ELAPOR1: variants seen among roughly 807,000 people sequenced by gnomAD.
ELAPOR1 encodes endosome/lysosome-associated apoptosis and autophagy regulator 1.
A neutral mutation model predicts 119.7 loss-of-function variants in ELAPOR1; 77 were observed. The ratio of observed to expected loss-of-function variants is 0.64; its 90% CI spans 0.54 to 0.78. ELAPOR1 has a LOEUF of 0.78. ELAPOR1 is among the 30% of genes least tolerant of loss of function. The pLI, the probability that ELAPOR1 is intolerant of heterozygous loss-of-function variation, is 0.00. For missense variants in ELAPOR1, 1,115 were observed against 1,270.4 expected (o/e 0.88, Z 1.86); for synonymous variants, 481 against 487.2 (o/e 0.99, Z 0.17).
At chr1:109,168,305 GA>G (rs1212967211) in intron 3 of ELAPOR1, among the ~76,000 whole-genome samples, 1 of 152,194 alleles carries the variant, frequency 6.6e-6, no homozygotes, top group Non-Finnish European at 1.5e-5. Flanking sequence ...ATTGCTATGT[GA>G]TTGTGTGATT....
chr1:109,200,825 C>G lies in ELAPOR1; in HGVS notation c.2898C>G (p.Gly966=). 1 of 1,614,140 alleles carries G rather than the reference C, an allele frequency of 6.2e-7. No homozygotes were observed. Among genetic ancestry groups the G allele is most frequent in the Non-Finnish European group, 8.5e-7 (1 of 1,180,018 alleles). Reference sequence around the variant, plus strand: ...CTGACAGCTGCGCCATCATGGAAGGCGAGGATGTAGAGGACGACCTCATCT... The same window carrying G: ...CTGACAGCTGCGCCATCATGGAAGGGGAGGATGTAGAGGACGACCTCATCT... ...PAADSCAIME[G]EDVEDDLIFT... Residue 966 remains glycine, a synonymous_variant, in exon 21 of 22, where the codon GGC becomes GGG. Coordinates refer to ENST00000369939, the MANE Select transcript of ELAPOR1 (RefSeq NM_020775.5).
chr1:109,147,780 A>ATTATT (rs1357119052), intron 1 of ELAPOR1, among the ~76,000 whole-genome samples: 2 of 151,474 alleles, frequency 1.3e-5, no homozygotes, highest in African/African-American at 4.8e-5. Context: ...AAAAAAGTCT[A>ATTATT]TTATTTTATT....
At chr1:109,121,458 A>G (rs1570597847) in intron 1 of ELAPOR1, among the ~76,000 whole-genome samples, 1 of 152,184 alleles carries the variant, frequency 6.6e-6, no homozygotes, top group African/African-American at 2.4e-5. Context: ...TTAAGAAAGT[A>G]TCATTGTTAT....
intron 1 of ELAPOR1, among the ~76,000 whole-genome samples, chr1:109,154,234 T>C (rs763588595): frequency 4.7e-4 from 67 of 143,632 alleles, no homozygotes; most frequent in Non-Finnish European, 5.8e-4. Context: ...TGAGCCAAGA[T>C]TGCACCACTG....
chr1:109,158,358 C>T (rs992267478), intron 1 of ELAPOR1, among the ~76,000 whole-genome samples: 1 of 145,276 alleles, frequency 6.9e-6, no homozygotes, highest in African/African-American at 2.6e-5. Flanking sequence ...AATACCTAGA[C>T]AGTAAGGACT....
In ELAPOR1 at chr1:109,198,044, T is replaced by G; in HGVS notation, c.2368T>G (p.Leu790Val). 1 of 1,614,036 alleles carries G rather than the reference T, an allele frequency of 6.2e-7. No homozygotes were observed. Reference protein sequence around the residue: ...SPAELFHLESLGIPDVIFFYR... With the variant: ...SPAELFHLESVGIPDVIFFYR... The stretch of plus-strand genomic sequence containing the variant: ...AGCTGAACTTTTCCACCTGGAGTCC[T>G]TGGGAATACCGGACGTGATCTTCTT... The change falls in exon 17 of 22, where the codon TTG becomes GTG. Residue 790 changes from leucine (L) to valine (V), a missense_variant. By Grantham distance (32) the Leu-to-Val change is conservative (BLOSUM62 1). Transcript: ENST00000369939.
Position 109,155,455 on chromosome 1 carries a change from G to C in ELAPOR1, c.154-6439G>C, listed in dbSNP as rs912877827. On this transcript the variant is annotated intron_variant, in intron 1 of 21. Coordinates refer to ENST00000369939, the MANE Select transcript of ELAPOR1 (RefSeq NM_020775.5). ...GGCCTCCCAAAGTGCTGGGATTACA[G>C]GCGTGAGCCACCAAGCCCGGCCGTG... Among the ~76,000 whole-genome samples the C allele has an allele frequency of 6.8e-4, 103 of 152,168 alleles. 1 individual carries two copies. The highest frequency in any genetic ancestry group is 1.6e-4 in the Non-Finnish European group (11 of 68,036).
At chr1:109,125,049 C>T (rs1472373891) in intron 1 of ELAPOR1, among the ~76,000 whole-genome samples, 2 of 152,186 alleles carry the variant, frequency 1.3e-5, no homozygotes, top group Non-Finnish European at 2.9e-5. Flanking sequence ...CTGCCTCAGC[C>T]TCCTGAGTAA....
rs151216495 is a variant in ELAPOR1 at position 109,186,732 on chromosome 1, T to G, written c.1042-1445T>G. 3.0e-6 allele frequency: 3 copies of G among 985,568 alleles called. No individual in the cohort carries two copies. In the Admixed American group the frequency reaches 1.8e-4, roughly 61 times the overall value. 61.1% of individuals were successfully genotyped at this position (985,568 alleles called of 1,614,324 possible). ...CAATTAATCCTGCTGCTCTTCTCCC[T>G]CCTGTTCATAACATGTGACTGAATG... is the stretch of plus-strand genomic sequence containing the variant. On this transcript the variant is annotated intron_variant, in intron 8 of 21. Transcript: ENST00000369939.
At chr1:109,130,234 AT>A (rs911688700) in intron 1 of ELAPOR1, among the ~76,000 whole-genome samples, 1 of 152,160 alleles carries the variant, frequency 6.6e-6, no homozygotes, top group Non-Finnish European at 1.5e-5. Context: ...GTGGGCAGGA[AT>A]TTTGGAGGGA....
chr1:109,179,571 G>A (rs1175864654), intron 7 of ELAPOR1, among the ~76,000 whole-genome samples: 2 of 151,978 alleles, frequency 1.3e-5, no homozygotes, highest in Non-Finnish European at 2.9e-5. Flanking sequence ...CTATTGTAGG[G>A]GCAAAAAATT....
At chr1:109,120,247 A>T (rs1047655636) in intron 1 of ELAPOR1, among the ~76,000 whole-genome samples, 2 of 151,788 alleles carry the variant, frequency 1.3e-5, no homozygotes, top group East Asian at 3.9e-4. Flanking sequence ...AAAATGCAAA[A>T]CCTAGCTGGT....
At chr1:109,165,754 T>TTA (rs1453880731) in intron 3 of ELAPOR1, among the ~76,000 whole-genome samples, 1 of 149,202 alleles carries the variant, frequency 6.7e-6, no homozygotes, top group Non-Finnish European at 1.5e-5. Flanking sequence ...TCTTCTTTTT[T>TTA]TTTTTTTTGA....
At chr1:109,148,796 A>T (rs1158748990) in intron 1 of ELAPOR1, among the ~76,000 whole-genome samples, 1 of 152,244 alleles carries the variant, frequency 6.6e-6, no homozygotes, top group Non-Finnish European at 1.5e-5. Context: ...TTTTGGTCTC[A>T]TTAAAAAGTG....
In ELAPOR1 at chr1:109,205,929, A is replaced by T. The variant is rs1028196727; in HGVS notation, c.*2917A>T. 8 of 152,202 alleles carry T rather than the reference A, an allele frequency of 5.3e-5. No individual in the cohort carries two copies. Among genetic ancestry groups the T allele is most frequent in the Non-Finnish European group, 8.8e-5 (6 of 68,044 alleles). 9.4% of individuals were successfully genotyped at this position (152,202 alleles called of 1,614,324 possible). A position where few individuals can be genotyped will look rare whatever the true frequency, so the allele number is the denominator to read the frequency against. ...TGAGATATAATTCACATATTACACAATTCACCTTTAAAACATACGATTCAA... is the reference window on the plus strand; with the variant it reads ...TGAGATATAATTCACATATTACACATTTCACCTTTAAAACATACGATTCAA... On this transcript the variant is annotated 3_prime_UTR_variant, in exon 22 of 22. Coordinates refer to ENST00000369939, the MANE Select transcript of ELAPOR1 (RefSeq NM_020775.5).
rs769538920 is a variant in ELAPOR1, at chr1:109,185,029, T to A, written c.953-16T>A. ...TTATGTAACTCCAAATATTTCTTCT[T>A]GCTTTGGCAATTTAGAGAAAGGATC... On this transcript the variant is annotated splice_polypyrimidine_tract_variant and intron_variant, in intron 7 of 21. Coordinates refer to ENST00000369939, the MANE Select transcript of ELAPOR1 (RefSeq NM_020775.5). 6.2e-7 allele frequency: 1 copy of A among 1,604,130 alleles called. No individual in the cohort carries two copies. Among genetic ancestry groups the A allele is most frequent in the Non-Finnish European group, 8.5e-7 (1 of 1,173,140 alleles).
At chr1:109,154,281 CAAA>C (rs745938875) in intron 1 of ELAPOR1, among the ~76,000 whole-genome samples, 476 of 39,724 alleles carry the variant, frequency 0.012, 4 homozygotes, top group African/African-American at 0.041. Context: ...AACTCCGTCT[CAAA>C]AAAAAAAAAA....
chr1:109,185,022 T>C lies in ELAPOR1; in HGVS notation c.953-23T>C. ...AGCTTTCTTATGTAACTCCAAATAT[T>C]TCTTCTTGCTTTGGCAATTTAGAGA... On this transcript the variant is annotated intron_variant, in intron 7 of 21. Coordinates refer to ENST00000369939, the MANE Select transcript of ELAPOR1 (RefSeq NM_020775.5). 3 of 1,593,724 alleles carry C rather than the reference T, an allele frequency of 1.9e-6. No individual in the cohort carries two copies. In the South Asian group the frequency reaches 3.3e-5, roughly 18 times the overall value.
chr1:109,133,455 T>C (rs914369170), intron 1 of ELAPOR1, among the ~76,000 whole-genome samples: 2 of 152,074 alleles, frequency 1.3e-5, no homozygotes, highest in Non-Finnish European at 2.9e-5. Flanking sequence ...GTACTGATGG[T>C]CTGTCTGTGG....
Sources: gnomAD v4.1 joint callset for allele counts (sites outside exome capture counted in the v4.1 genomes callset) on GRCh38, gnomAD v4.1.1 for gene constraint, MANE v1.5 for transcripts, NCBI Gene and HGNC (gene_info 2026-07-23, HGNC 2026-07-21) for gene names.